Variants in NBAS observed in about 807,000 individuals in gnomAD.
NBAS encodes the protein NBAS subunit of NRZ tethering complex.
NBAS carries 219 observed loss-of-function variants against 302.5 expected under a neutral mutation model. The ratio of observed to expected loss-of-function variants is 0.72; its 90% CI spans 0.65 to 0.81. The LOEUF (loss-of-function observed/expected upper bound fraction) is 0.81. Among genes scored for constraint, NBAS ranks in the 30% least tolerant of loss-of-function variants. The probability of loss-of-function intolerance (pLI) is 0.00; values close to 1 mark genes in which losing one functional copy is unlikely to be tolerated. For synonymous variants in NBAS, 1,118 were observed against 1,021.6 expected (o/e 1.09, Z -1.80); for missense variants, 2,932 against 2,841.6 (o/e 1.03, Z -0.72).
intron 21 of NBAS, among the ~76,000 whole-genome samples, chr2:15,460,154 G>T (rs941698483): frequency 1.6e-4 from 24 of 152,288 alleles, no homozygotes; most frequent in Admixed American, 8.5e-4. Context: ...TCTTAGCACT[G>T]TAAGTTTCCA....
chr2:15,306,363 TC>T (rs1471031976), intron 40 of NBAS, among the ~76,000 whole-genome samples: 1 of 152,226 alleles, frequency 6.6e-6, no homozygotes. Flanking sequence ...CATTCCTGTT[TC>T]TTGTCCAAAT....
chr2:15,529,176 G>A (rs1196104218), intron 9 of NBAS, among the ~76,000 whole-genome samples: 1 of 152,026 alleles, frequency 6.6e-6, no homozygotes, highest in African/African-American at 2.4e-5. Context: ...TATGTGCTGA[G>A]GAAGTGAGGT....
At chr2:15,374,470 T>C in intron 31 of NBAS, 138 bp downstream of exon 31, 2 of 707,078 alleles carry the variant, frequency 2.8e-6, no homozygotes, top group East Asian at 2.6e-5. Flanking sequence ...TCATTTAAAA[T>C]AATGGGTCAA....
intron 35 of NBAS, among the ~76,000 whole-genome samples, chr2:15,335,874 G>A (rs1212323281): frequency 6.6e-6 from 1 of 151,852 alleles, no homozygotes; most frequent in African/African-American, 2.4e-5. Flanking sequence ...AGTACTTTTT[G>A]TATCATATTT....
At chr2:14,866,988 T>C in the NBAS span, among the ~76,000 whole-genome samples, 1 of 152,212 alleles carries the variant, frequency 6.6e-6, no homozygotes, top group Non-Finnish European at 1.5e-5. Context: ...CCTGACTTTT[T>C]TAGTCACAGA....
the NBAS span, among the ~76,000 whole-genome samples, chr2:14,850,837 C>T: frequency 9.8e-6 from 1 of 102,034 alleles, no homozygotes; most frequent in Non-Finnish European, 1.8e-5. Flanking sequence ...CTACTGGGTA[C>T]ATAACGAAAT....
intron 9 of NBAS, among the ~76,000 whole-genome samples, chr2:15,513,742 A>G (rs1324836600): frequency 6.6e-6 from 1 of 152,024 alleles, no homozygotes; most frequent in Admixed American, 6.6e-5. Flanking sequence ...TAATCCCAAA[A>G]CTTTGGGAAG....
chr2:14,920,903 C>CTT, the NBAS span, among the ~76,000 whole-genome samples: 40 of 144,892 alleles, frequency 2.8e-4, no homozygotes, highest in African/African-American at 8.0e-4. Context: ...GGCTGTTTCA[C>CTT]TTTTTTTTTT....
chr2:14,967,672 T>C, the NBAS span, among the ~76,000 whole-genome samples: 48,828 of 152,076 alleles, frequency 0.32, 10,508 homozygotes, highest in African/African-American at 0.62. Context: ...TTAGCTACAA[T>C]ATCAAAAGCA....
chr2:15,421,316 T>C (rs765432), intron 23 of NBAS, among the ~76,000 whole-genome samples: 91,965 of 151,934 alleles, frequency 0.61, 28,814 homozygotes, highest in Non-Finnish European at 0.68. Flanking sequence ...CAGCTTTGAA[T>C]CTGTTGCCTT....
chr2:15,315,752 T>C (rs892782197), intron 38 of NBAS, among the ~76,000 whole-genome samples: 4 of 152,168 alleles, frequency 2.6e-5, no homozygotes, highest in African/African-American at 9.7e-5. Context: ...TCATGACTTT[T>C]TTTCTCCCAC....
intron 44 of NBAS, among the ~76,000 whole-genome samples, chr2:15,254,233 A>G (rs532159905): frequency 1.3e-5 from 2 of 152,074 alleles, no homozygotes; most frequent in Non-Finnish European, 2.9e-5. Context: ...CTACACTCCT[A>G]TGATTGCACC....
At chr2:14,926,561 T>C in the NBAS span, among the ~76,000 whole-genome samples, 1 of 152,188 alleles carries the variant, frequency 6.6e-6, no homozygotes, top group Non-Finnish European at 1.5e-5. Flanking sequence ...GAGAGGTTTT[T>C]TCATCTTTTA....
At chr2:15,271,953 A>G (rs1669344388) in intron 44 of NBAS, among the ~76,000 whole-genome samples, 1 of 152,256 alleles carries the variant, frequency 6.6e-6, no homozygotes, top group Admixed American at 6.5e-5. Context: ...GTACAAATAC[A>G]CTTTAAACAT....
chr2:15,094,866 G>C, the NBAS span, among the ~76,000 whole-genome samples: 1 of 152,186 alleles, frequency 6.6e-6, no homozygotes, highest in African/African-American at 2.4e-5. Context: ...CAGGCATAGG[G>C]AGATGAGGCA....
At chr2:15,529,651 G>A (rs904574949) in intron 9 of NBAS, among the ~76,000 whole-genome samples, 28 of 152,152 alleles carry the variant, frequency 1.8e-4, no homozygotes, top group East Asian at 1.9e-4. Flanking sequence ...CAATCAGAGT[G>A]CCATGGGTAC....
Position 15,394,482 on chromosome 2 carries a change from T to C in NBAS, c.3135-133A>G, listed in dbSNP as rs1011888472. The C allele has an allele frequency of 9.2e-6, 8 of 869,778 alleles. No individual in the cohort carries two copies. The African/African-American group carries it at 1.0e-4, about 11-fold the overall frequency. 53.9% of individuals were successfully genotyped at this position (869,778 alleles called of 1,614,324 possible). ...TCCCATAGTGTAATCCAATTTTACA[T>C]ATAACGTTGATTCTCAGCAAAAAAG... On this transcript the variant is annotated intron_variant, in intron 27 of 51. Coordinates refer to ENST00000281513, the MANE Select transcript of NBAS (RefSeq NM_015909.4).
chr2:15,069,850 TC>T, the NBAS span, among the ~76,000 whole-genome samples: 1 of 152,158 alleles, frequency 6.6e-6, no homozygotes, highest in South Asian at 2.1e-4. Flanking sequence ...TGCGAGTAGA[TC>T]AGCATTATGA....
intron 28 of NBAS, among the ~76,000 whole-genome samples, chr2:15,384,311 T>C (rs1230849913): frequency 6.6e-6 from 1 of 152,206 alleles, no homozygotes; most frequent in Non-Finnish European, 1.5e-5. Flanking sequence ...TTTAATATTC[T>C]TGACTTTCAC....
Sources: gnomAD v4.1 joint callset for allele counts (sites outside exome capture counted in the v4.1 genomes callset) on GRCh38, gnomAD v4.1.1 for gene constraint, MANE v1.5 for transcripts, NCBI Gene and HGNC (gene_info 2026-07-23, HGNC 2026-07-21) for gene names.